Variants in GLIS3 observed in about 807,000 individuals in gnomAD.
The protein encoded by GLIS3 is zinc finger protein GLIS3.
In GLIS3, 53 loss-of-function variants were observed where a neutral mutation model predicts 78.6. The observed-to-expected ratio is 0.67, with a 90% CI of 0.54 to 0.85. GLIS3 has a LOEUF of 0.85. Among genes scored for constraint, GLIS3 ranks in the 40% least tolerant of loss-of-function variants. The probability of loss-of-function intolerance (pLI) is 0.00; values close to 1 mark genes in which losing one functional copy is unlikely to be tolerated. For synonymous variants in GLIS3, 684 were observed against 509.9 expected (o/e 1.34, Z -4.60); for missense variants, 1,703 against 1,231.1 (o/e 1.38, Z -5.74).
the GLIS3 span, among the ~76,000 whole-genome samples, chr9:4,391,136 G>A: frequency 1.3e-5 from 2 of 152,128 alleles, no homozygotes; most frequent in African/African-American, 4.8e-5. Flanking sequence ...TCTTCAGTCT[G>A]TAATATTCTG....
intron 8 of GLIS3, among the ~76,000 whole-genome samples, chr9:3,860,444 C>T (rs74917714): frequency 0.011 from 1,749 of 152,160 alleles, 33 homozygotes; most frequent in African/African-American, 0.039. Context: ...TTGCTCAGCC[C>T]CAACCCCCTG....
intron 2 of GLIS3, among the ~76,000 whole-genome samples, chr9:4,244,296 A>T (rs74468479): frequency 0.013 from 2,006 of 152,318 alleles, 47 homozygotes; most frequent in African/African-American, 0.045. Flanking sequence ...TTACTTTCTA[A>T]TATGTCAGTG....
intron 4 of GLIS3, among the ~76,000 whole-genome samples, chr9:3,966,597 C>A (rs1817950296): frequency 6.6e-6 from 1 of 151,912 alleles, no homozygotes. Context: ...GGAGTCAAGA[C>A]CAGCCTGGCC....
At chr9:4,171,560 TGATTTCGTTAAAG>T (rs1392093741) in intron 2 of GLIS3, among the ~76,000 whole-genome samples, 1 of 152,230 alleles carries the variant, frequency 6.6e-6, no homozygotes, top group Non-Finnish European at 1.5e-5. Context: ...TCTTGCTGGT[TGATTTCGTTAAAG>T]GATTTATCTT....
intron 2 of GLIS3, among the ~76,000 whole-genome samples, chr9:4,341,828 T>A (rs868764377): frequency 6.6e-6 from 1 of 152,200 alleles, no homozygotes; most frequent in Non-Finnish European, 1.5e-5. Flanking sequence ...ATCACCTTTT[T>A]CCCACGTTAC....
chr9:4,042,321 G>A (rs187812777), intron 4 of GLIS3, among the ~76,000 whole-genome samples: 5 of 152,258 alleles, frequency 3.3e-5, no homozygotes, highest in Non-Finnish European at 5.9e-5. Context: ...ATAGAGAAGT[G>A]AAATGGGAAC....
At chr9:4,205,140 C>A (rs1819753048) in intron 2 of GLIS3, among the ~76,000 whole-genome samples, 1 of 147,646 alleles carries the variant, frequency 6.8e-6, no homozygotes, top group African/African-American at 2.5e-5. Context: ...CACCCCACTG[C>A]ACTCCAGTCC....
chr9:4,041,234 T>C (rs942361274), intron 4 of GLIS3, among the ~76,000 whole-genome samples: 11 of 152,282 alleles, frequency 7.2e-5, no homozygotes, highest in African/African-American at 2.4e-4. Context: ...TATCTTTGGT[T>C]GTTAAAACAA....
At chr9:4,482,643 T>C in the GLIS3 span, among the ~76,000 whole-genome samples, 1 of 152,236 alleles carries the variant, frequency 6.6e-6, no homozygotes. Context: ...ACTCAGAAGC[T>C]GATGTCTTAC....
the GLIS3 span, among the ~76,000 whole-genome samples, chr9:4,399,054 G>C: frequency 2.0e-5 from 3 of 152,154 alleles, no homozygotes; most frequent in East Asian, 5.8e-4. Flanking sequence ...GGGTGAGATA[G>C]ACCATAACAT....
chr9:4,079,874 C>T (rs556141027), intron 4 of GLIS3, among the ~76,000 whole-genome samples: 22 of 151,702 alleles, frequency 1.5e-4, no homozygotes, highest in African/African-American at 5.3e-4. Context: ...ATCAACACTG[C>T]TCTCTCAAAA....
At chr9:4,235,214 G>A (rs926321979) in intron 2 of GLIS3, among the ~76,000 whole-genome samples, 2 of 150,574 alleles carry the variant, frequency 1.3e-5, no homozygotes, top group South Asian at 2.1e-4. Flanking sequence ...CAGGAGAATC[G>A]CTTGAACCCG....
At chr9:4,167,623 T>G (rs1380616101) in intron 2 of GLIS3, among the ~76,000 whole-genome samples, 2 of 152,156 alleles carry the variant, frequency 1.3e-5, no homozygotes, top group African/African-American at 2.4e-5. Context: ...AAGTGAGGAT[T>G]AGAAAGATTA....
At chr9:4,385,141 T>G in the GLIS3 span, among the ~76,000 whole-genome samples, 1 of 152,232 alleles carries the variant, frequency 6.6e-6, no homozygotes. Flanking sequence ...CACAGTGAAC[T>G]CTTAGCACCT....
chr9:4,266,731 T>C lies in GLIS3; in HGVS notation c.388+19307A>G, dbSNP rs1164626993. On this transcript the variant is annotated intron_variant, in intron 2 of 10. Transcript: ENST00000381971. ...TTTTACTCCAAAATATGATAAATAG[T>C]AAAAGCTATCCTGATGCAATTCAAA... 3.9e-5 allele frequency among the ~76,000 whole-genome samples: 6 copies of C among 152,164 alleles called. No individual in the cohort carries two copies. In the East Asian group the frequency reaches 1.2e-3, roughly 29 times the overall value.
the GLIS3 span, among the ~76,000 whole-genome samples, chr9:4,487,730 C>T: frequency 6.6e-6 from 1 of 151,788 alleles, no homozygotes; most frequent in Non-Finnish European, 1.5e-5. Context: ...CTCTGTCACC[C>T]AGGCTGGAGT....
chr9:4,030,269 A>G (rs549056079), intron 4 of GLIS3, among the ~76,000 whole-genome samples: 120 of 152,166 alleles, frequency 7.9e-4, no homozygotes, highest in African/African-American at 2.8e-3. Context: ...CTATTCAAAT[A>G]TTTTGCCCAA....
intron 2 of GLIS3, among the ~76,000 whole-genome samples, chr9:4,335,040 C>G (rs1241241515): frequency 6.6e-6 from 1 of 150,864 alleles, no homozygotes; most frequent in African/African-American, 2.4e-5. Context: ...TCCCGAGTAG[C>G]TGGGACTACA....
intron 2 of GLIS3, among the ~76,000 whole-genome samples, chr9:4,198,426 T>G (rs1488956944): frequency 6.6e-6 from 1 of 151,394 alleles, no homozygotes; most frequent in Non-Finnish European, 1.5e-5. Flanking sequence ...GAAAATTTCA[T>G]CAATAGACTG....
Sources: allele counts gnomAD v4.1 joint callset (sites outside exome capture counted in the v4.1 genomes callset), GRCh38; gene constraint gnomAD v4.1.1; transcripts MANE v1.5; gene names NCBI Gene and HGNC (gene_info 2026-07-23, HGNC 2026-07-21).